EPG5: variants seen among roughly 807,000 people sequenced by gnomAD.
EPG5 encodes the protein ectopic P-granules 5 autophagy tethering factor, also known as ectopic P granules protein 5 homolog.
A neutral mutation model predicts 302.7 loss-of-function variants in EPG5; 159 were observed. That is an observed-to-expected ratio of 0.53 (90% confidence interval 0.46 to 0.60). The LOEUF (loss-of-function observed/expected upper bound fraction) is 0.60. Among genes scored for constraint, EPG5 ranks in the 20% least tolerant of loss-of-function variants. The pLI, the probability that EPG5 is intolerant of heterozygous loss-of-function variation, is 0.00. For missense variants in EPG5, 2,896 were observed against 3,092.4 expected (o/e 0.94, Z 1.51); for synonymous variants, 1,158 against 1,136.8 (o/e 1.02, Z -0.37).
At chr18:45,829,061 T>C in the EPG5 span, 1 of 980,026 alleles carries the variant, frequency 1.0e-6, no homozygotes, top group Non-Finnish European at 1.2e-6. Context: ...CTATGGAGGC[T>C]GGGCAGGGGG....
At chr18:45,923,080 T>C (rs2050192792) in intron 15 of EPG5, among the ~76,000 whole-genome samples, 188 bp downstream of exon 15, 1 of 152,254 alleles carries the variant, frequency 6.6e-6, no homozygotes, top group African/African-American at 2.4e-5. Flanking sequence ...AATATTAGAA[T>C]AGTTATATAC....
At position 45,922,542 on chromosome 18, in the gene EPG5, T is replaced by C; in HGVS notation, c.2897A>G (p.Gln966Arg). ...YGETPETSFNQWAWNLILRLK... is the reference protein window; with the variant it reads ...YGETPETSFNRWAWNLILRLK... ...CCTCAAGATTAAATTCCAGGCCCAT[T>C]GGTTAAATGAGGTCTCGGGTGTCTC... The change falls in exon 16 of 44, where the codon CAA becomes CGA. Residue 966 changes from glutamine (Q) to arginine (R), a missense_variant. Physicochemically the swap from Gln to Arg is conservative, Grantham distance 43. Around this residue, in one of 5 missense-constraint regions of EPG5, gnomAD observed 1,390 missense variants for 1,430.0 expected, o/e 0.97. Transcript: ENST00000282041. 6.2e-7 allele frequency: 1 copy of C among 1,614,218 alleles called. No individual in the cohort carries two copies. Among genetic ancestry groups the C allele is most frequent in the Non-Finnish European group, 8.5e-7 (1 of 1,180,038 alleles).
intron 10 of EPG5, among the ~76,000 whole-genome samples, chr18:45,938,087 G>T (rs926661481): frequency 6.6e-6 from 1 of 152,192 alleles, no homozygotes; most frequent in Non-Finnish European, 1.5e-5. Context: ...CTACTGCACT[G>T]ATGCCCTGAC....
chr18:45,951,604 G>A (rs1348306799), intron 3 of EPG5, among the ~76,000 whole-genome samples: 1 of 151,886 alleles, frequency 6.6e-6, no homozygotes, highest in Non-Finnish European at 1.5e-5. Context: ...GATTACTGGT[G>A]CCTGCCACTA....
chr18:45,939,776 T>C lies in EPG5; in HGVS notation c.1944-21A>G, dbSNP rs746795777. On this transcript the variant is annotated intron_variant, in intron 9 of 43. Transcript: ENST00000282041. The stretch of plus-strand genomic sequence containing the variant: ...TCATCCTGAGCATGAGGAAAGATAA[T>C]ACAGTACTTTTCATTAGCTCAATAT... The C allele has an allele frequency of 3.1e-6, 5 of 1,604,588 alleles. No individual in the cohort carries two copies. The South Asian group carries it at 5.5e-5, about 18-fold the overall frequency.
intron 1 of EPG5, among the ~76,000 whole-genome samples, chr18:45,966,363 A>C (rs549624796): frequency 1.0e-4 from 15 of 149,688 alleles, no homozygotes; most frequent in African/African-American, 3.7e-4. Context: ...GCGACAGAGC[A>C]AGACTCTGTC....
rs757359611 is a variant in EPG5, at chr18:45,915,629, G to A, written c.3583-8C>T. 2.3e-5 allele frequency: 37 copies of A among 1,602,678 alleles called. No individual in the cohort carries two copies. The highest frequency in any genetic ancestry group is 5.5e-5 in the South Asian group (5 of 90,768). ...GTGGTAACCCAAGGCATTCTACACC[G>A]GGAGATGTGGAGCAGAGAGAGGAGG... On this transcript the variant is annotated splice_region_variant and splice_polypyrimidine_tract_variant and intron_variant, in intron 19 of 43. Transcript: ENST00000282041.
intron 38 of EPG5, among the ~76,000 whole-genome samples, chr18:45,866,122 C>CTTT (rs11390724): frequency 7.1e-6 from 1 of 141,524 alleles, no homozygotes; most frequent in Non-Finnish European, 1.5e-5. Context: ...GGTACTATTT[C>CTTT]TTTTTTTTTT....
the EPG5 span, among the ~76,000 whole-genome samples, chr18:45,835,556 C>A: frequency 6.6e-6 from 1 of 152,300 alleles, no homozygotes; most frequent in Admixed American, 6.5e-5. Context: ...GTGCTGATCT[C>A]ATTTCGTAGA....
the EPG5 span, among the ~76,000 whole-genome samples, chr18:45,830,845 G>A: frequency 6.7e-5 from 10 of 148,902 alleles, no homozygotes; most frequent in South Asian, 6.3e-4. Flanking sequence ...TGATCTGCCC[G>A]CCTCAGCCTC....
chr18:45,915,447 T>C (rs929410735), intron 20 of EPG5, 64 bp downstream of exon 20: 38 of 1,152,122 alleles, frequency 3.3e-5, no homozygotes, highest in Non-Finnish European at 4.7e-5. Flanking sequence ...AATTTCTTTG[T>C]AAGGATGATC....
At chr18:45,864,197 C>T (rs4890304) in intron 39 of EPG5, among the ~76,000 whole-genome samples, 4,453 of 152,206 alleles carry the variant, frequency 0.029, 79 homozygotes, top group Middle Eastern at 0.058. Context: ...ACTGTGGCCT[C>T]GAACTCCTGG....
the EPG5 span, chr18:45,838,615 C>T: frequency 3.9e-5 from 54 of 1,398,958 alleles, no homozygotes; most frequent in Non-Finnish European, 5.0e-5. Context: ...CACCCAAGTG[C>T]CCATTCCTCC....
At chr18:45,834,480 C>T in the EPG5 span, among the ~76,000 whole-genome samples, 2 of 152,284 alleles carry the variant, frequency 1.3e-5, no homozygotes, top group Non-Finnish European at 2.9e-5. Context: ...TCAGGGAAGC[C>T]CCCTGCTGTA....
At chr18:45,825,137 G>C in the EPG5 span, among the ~76,000 whole-genome samples, 1 of 143,322 alleles carries the variant, frequency 7.0e-6, no homozygotes, top group African/African-American at 2.5e-5. Flanking sequence ...TAGGAAAGGA[G>C]GGAGGGAGGG....
At chr18:45,916,706 T>G in intron 17 of EPG5, 124 bp from the exon 18 acceptor site, 1 of 951,860 alleles carries the variant, frequency 1.1e-6, no homozygotes, top group Non-Finnish European at 1.5e-6. Flanking sequence ...AAGCACTATT[T>G]AAGAAGGGAT....
chr18:45,840,116 CG>C, the EPG5 span: 27 of 1,422,324 alleles, frequency 1.9e-5, no homozygotes, highest in East Asian at 5.6e-4. Flanking sequence ...GTGGTTTCCT[CG>C]AGACCCCTTC....
At chr18:45,880,478 C>T (rs1304357816) in intron 31 of EPG5, among the ~76,000 whole-genome samples, 1 of 152,150 alleles carries the variant, frequency 6.6e-6, no homozygotes, top group Non-Finnish European at 1.5e-5. Flanking sequence ...TGGAGCTACA[C>T]TCAGAGGGGT....
At chr18:45,903,952 G>T in intron 25 of EPG5, 21 bp downstream of exon 25, 3 of 1,590,416 alleles carry the variant, frequency 1.9e-6, no homozygotes, top group Non-Finnish European at 2.6e-6. Context: ...ATTCGAAGGG[G>T]CAGGTGCTCC....
Sources: allele counts gnomAD v4.1 joint callset (sites outside exome capture counted in the v4.1 genomes callset), GRCh38; gene constraint gnomAD v4.1.1; regional missense constraint gnomAD v4.1.1; transcripts MANE v1.5; gene names NCBI Gene and HGNC (gene_info 2026-07-23, HGNC 2026-07-21).